Variants in KIF5C observed in about 807,000 individuals in gnomAD.
KIF5C encodes kinesin family member 5C.
In KIF5C, 18 loss-of-function variants were observed where a neutral mutation model predicts 125.2. The ratio of observed to expected loss-of-function variants is 0.14; its 90% confidence interval spans 0.10 to 0.21. KIF5C has a LOEUF of 0.21. Among genes scored for constraint, KIF5C ranks in the 10% least tolerant of loss-of-function variants. The pLI, the probability that KIF5C is intolerant of heterozygous loss-of-function variation, is 1.00. For missense variants in KIF5C, 780 were observed against 1,183.8 expected (o/e 0.66, Z 5.01); for synonymous variants, 405 against 434.0 (o/e 0.93, Z 0.83).
chr2:148,885,565 G>A (rs1681494686), intron 1 of KIF5C: 1 of 152,234 alleles, frequency 6.6e-6, no homozygotes, highest in African/African-American at 2.4e-5. Context: ...CATCCTTGAT[G>A]TGAACTGAAC....
chr2:148,977,313 A>T (rs1164253045), intron 12 of KIF5C, among the ~76,000 whole-genome samples: 1 of 152,232 alleles, frequency 6.6e-6, no homozygotes, highest in African/African-American at 2.4e-5. Context: ...AAATGAGCAC[A>T]GCGTAAGGAC....
intron 21 of KIF5C, among the ~76,000 whole-genome samples, chr2:149,003,847 A>G (rs1681925547): frequency 6.6e-6 from 1 of 152,218 alleles, no homozygotes; most frequent in South Asian, 2.1e-4. Flanking sequence ...AACTGTTCTC[A>G]TTCCCCTTTG....
chr2:148,888,575 A>G (rs185855363), intron 1 of KIF5C: 1 of 151,914 alleles, frequency 6.6e-6, no homozygotes, highest in Non-Finnish European at 1.5e-5. Flanking sequence ...AAGGAGTCTG[A>G]TTCTGTGCTG....
intron 21 of KIF5C, among the ~76,000 whole-genome samples, chr2:149,004,206 T>C (rs1681937737): frequency 6.6e-6 from 1 of 152,250 alleles, no homozygotes; most frequent in Non-Finnish European, 1.5e-5. Flanking sequence ...GACCCAGTAA[T>C]AAGACCTTAA....
At chr2:149,009,139 G>A (rs373008951) in intron 23 of KIF5C, among the ~76,000 whole-genome samples, 4 of 151,362 alleles carry the variant, frequency 2.6e-5, no homozygotes, top group South Asian at 2.1e-4. Context: ...ACAGGTGCGC[G>A]CCACCACTCC....
chr2:148,942,888 G>A lies in KIF5C; in HGVS notation c.589+128G>A, dbSNP rs554138393. ...GGAAGGTGATTAAAGAGCAGTGCTCGGACACAGACGCCAGGGTATGTGTGC... is the reference window on the plus strand; with the variant it reads ...GGAAGGTGATTAAAGAGCAGTGCTCAGACACAGACGCCAGGGTATGTGTGC... On this transcript the variant is annotated intron_variant, in intron 7 of 25. Coordinates refer to ENST00000435030, the MANE Select transcript of KIF5C (RefSeq NM_004522.3). The A allele has an allele frequency of 1.5e-3, 2,167 of 1,478,738 alleles. 3 individuals are homozygous for A. The highest frequency in any genetic ancestry group is 3.0e-3 in the Admixed American group (149 of 50,146). 91.6% of individuals were successfully genotyped at this position (1,478,738 alleles called of 1,614,324 possible).
intron 1 of KIF5C, among the ~76,000 whole-genome samples, chr2:148,907,953 G>C (rs1046525307): frequency 6.6e-6 from 1 of 152,214 alleles, no homozygotes; most frequent in African/African-American, 2.4e-5. Context: ...AGAGTCTCCA[G>C]ACTGGGAGCC....
intron 8 of KIF5C, chr2:148,947,930 C>T (rs144233909): frequency 6.1e-4 from 279 of 456,686 alleles, no homozygotes; most frequent in African/African-American, 4.9e-3. Context: ...ACTGAGTTCC[C>T]GTATGCCAAG....
At chr2:148,903,551 C>T (rs1352009086) in intron 1 of KIF5C, among the ~76,000 whole-genome samples, 3 of 152,190 alleles carry the variant, frequency 2.0e-5, no homozygotes, top group Non-Finnish European at 4.4e-5. Flanking sequence ...GCCCGTCATG[C>T]AGGTGTGGCT....
intron 1 of KIF5C, among the ~76,000 whole-genome samples, chr2:148,912,943 C>T (rs1469078367): frequency 6.6e-6 from 1 of 152,180 alleles, no homozygotes; most frequent in African/African-American, 2.4e-5. Context: ...TTGGAGTTTG[C>T]ATCCAGCAGC....
At chr2:149,013,457 A>C (rs949164987) in intron 25 of KIF5C, among the ~76,000 whole-genome samples, 1 of 152,228 alleles carries the variant, frequency 6.6e-6, no homozygotes, top group African/African-American at 2.4e-5. Flanking sequence ...CCACATGGCC[A>C]CATCTAGCTG....
chr2:148,940,469 G>A (rs778648972), intron 4 of KIF5C, among the ~76,000 whole-genome samples: 1 of 152,192 alleles, frequency 6.6e-6, no homozygotes, highest in Non-Finnish European at 1.5e-5. Flanking sequence ...CAGTCAGGTA[G>A]TTCCAGACCG....
At chr2:148,952,459 T>C (rs1229303436) in intron 10 of KIF5C, among the ~76,000 whole-genome samples, 1 of 152,116 alleles carries the variant, frequency 6.6e-6, no homozygotes, top group Non-Finnish European at 1.5e-5. Flanking sequence ...GTGTCAAAAT[T>C]ATAGCACTTC....
chr2:148,942,080 G>A, intron 6 of KIF5C, 90 bp downstream of exon 6: 1 of 1,448,798 alleles, frequency 6.9e-7, no homozygotes, highest in Non-Finnish European at 9.4e-7. Flanking sequence ...AATATTATCT[G>A]TAAAGAGCAT....
At chr2:148,935,769 A>G (rs1682278104) in intron 3 of KIF5C, among the ~76,000 whole-genome samples, 1 of 152,236 alleles carries the variant, frequency 6.6e-6, no homozygotes, top group Non-Finnish European at 1.5e-5. Flanking sequence ...TCATGTCACT[A>G]AGCACTTTAT....
At chr2:148,875,861 C>T in intron 1 of KIF5C, 118 bp downstream of exon 1, 1 of 1,413,622 alleles carries the variant, frequency 7.1e-7, no homozygotes, top group Non-Finnish European at 9.4e-7. Flanking sequence ...CGGGGCTGGC[C>T]TCTCGGGTGG....
intron 15 of KIF5C, among the ~76,000 whole-genome samples, chr2:148,986,590 G>A (rs765678695): frequency 6.6e-6 from 1 of 152,192 alleles, no homozygotes; most frequent in Non-Finnish European, 1.5e-5. Flanking sequence ...TATTGGTCAT[G>A]ACTATGAATT....
intron 3 of KIF5C, among the ~76,000 whole-genome samples, chr2:148,934,379 A>G (rs538206724): frequency 5.1e-4 from 76 of 149,348 alleles, no homozygotes; most frequent in African/African-American, 1.8e-3. Context: ...TATATACCAC[A>G]CCCCCACATA....
chr2:148,895,812 C>T (rs113519179), intron 1 of KIF5C, among the ~76,000 whole-genome samples: 28 of 151,074 alleles, frequency 1.9e-4, no homozygotes, highest in Admixed American at 7.9e-4. Flanking sequence ...ACCTTCTCAC[C>T]GTGCATGTCC....
Sources: gnomAD v4.1 joint callset for allele counts (sites outside exome capture counted in the v4.1 genomes callset) on GRCh38, gnomAD v4.1.1 for gene constraint, MANE v1.5 for transcripts, NCBI Gene and HGNC (gene_info 2026-07-23, HGNC 2026-07-21) for gene names.